The following HELZ variants were observed in gnomAD, a reference collection of about 807,000 sequenced individuals.
HELZ encodes ATP-dependent RNA helicase with zinc finger domain.
HELZ carries 23 observed loss-of-function variants against 218.2 expected under a neutral mutation model. The observed-to-expected ratio is 0.11, with a 90% CI of 0.08 to 0.15. The LOEUF is 0.15. Ranked by LOEUF, HELZ falls within the 10% of genes least tolerant of loss-of-function variation. The probability of loss-of-function intolerance (pLI) is 1.00; values close to 1 mark genes in which losing one functional copy is unlikely to be tolerated. For synonymous variants in HELZ, 814 were observed against 829.4 expected, an observed-to-expected ratio of 0.98 and a Z score of 0.32; for missense variants, 1,813 against 2,353.7, an observed-to-expected ratio of 0.77 and a Z score of 4.75.
intron 13 of HELZ, among the ~76,000 whole-genome samples, chr17:67,172,048 G>A (rs1163360006): frequency 6.6e-6 from 1 of 152,068 alleles, no homozygotes; most frequent in African/African-American, 2.4e-5. Flanking sequence ...TGCCAGGCTG[G>A]TCTCGAACTC....
chr17:67,216,797 ACTC>A (rs543091718), intron 4 of HELZ, among the ~76,000 whole-genome samples: 18 of 151,230 alleles, frequency 1.2e-4, no homozygotes, highest in Middle Eastern at 3.4e-3. Context: ...TGCTGACACT[ACTC>A]CTCATTTCCT....
intron 31 of HELZ, among the ~76,000 whole-genome samples, chr17:67,105,059 G>C (rs190396323): frequency 6.6e-6 from 1 of 152,326 alleles, no homozygotes; most frequent in Non-Finnish European, 1.5e-5. Flanking sequence ...CTTGAACCTA[G>C]AAGGCAGAGG....
intron 12 of HELZ, among the ~76,000 whole-genome samples, chr17:67,184,949 A>T (rs183458986): frequency 2.4e-3 from 370 of 152,360 alleles, no homozygotes; most frequent in Non-Finnish European, 4.0e-3. Context: ...TTTCGAAACC[A>T]TATGGAAATA....
At chr17:67,085,461 T>C (rs1332704863) in intron 32 of HELZ, among the ~76,000 whole-genome samples, 1 of 152,000 alleles carries the variant, frequency 6.6e-6, no homozygotes, top group African/African-American at 2.4e-5. Context: ...CGAGGCAAAA[T>C]ACAGCGGTTT....
chr17:67,083,143 C>T (rs959409158), intron 32 of HELZ, among the ~76,000 whole-genome samples: 3 of 151,910 alleles, frequency 2.0e-5, no homozygotes, highest in African/African-American at 7.2e-5. Context: ...AGGTGTGAGC[C>T]ACCATGTCTG....
At chr17:67,093,162 G>A (rs2036626211) in intron 31 of HELZ, among the ~76,000 whole-genome samples, 1 of 152,160 alleles carries the variant, frequency 6.6e-6, no homozygotes, top group South Asian at 2.1e-4. Flanking sequence ...TCTAACTGGT[G>A]TTCTCAGAAA....
intron 5 of HELZ, among the ~76,000 whole-genome samples, chr17:67,212,977 T>C (rs1174821910): frequency 3.9e-5 from 6 of 152,232 alleles, no homozygotes; most frequent in Non-Finnish European, 8.8e-5. Context: ...GTTAAACTTA[T>C]ATTTTAGTGA....
chr17:67,236,812 G>A lies in HELZ; in HGVS notation c.-19+2621C>T, dbSNP rs572360812. On this transcript the variant is annotated intron_variant, in intron 3 of 32. Coordinates refer to ENST00000358691, the MANE Select transcript of HELZ (RefSeq NM_014877.4). The stretch of plus-strand genomic sequence containing the variant: ...AAATAATAAAGTTCTACCCTACCAA[G>A]GAAATGAAGGGGTTCCAGGACACAA... Among the ~76,000 whole-genome samples, 10 of 152,076 alleles carry A rather than the reference G, an allele frequency of 6.6e-5. No individual in the cohort carries two copies. The East Asian group carries it at 1.9e-3, about 29-fold the overall frequency.
chr17:67,175,058 A>C (rs979370640), intron 13 of HELZ, among the ~76,000 whole-genome samples: 1 of 152,128 alleles, frequency 6.6e-6, no homozygotes, highest in Admixed American at 6.5e-5. Flanking sequence ...CCACAACAAA[A>C]CATTCTTCAT....
At chr17:67,187,664 G>A (rs1047839767) in intron 12 of HELZ, among the ~76,000 whole-genome samples, 2 of 152,186 alleles carry the variant, frequency 1.3e-5, no homozygotes, top group Admixed American at 6.5e-5. Flanking sequence ...CAAAGGAAAT[G>A]TGGGCTAACA....
intron 7 of HELZ, among the ~76,000 whole-genome samples, chr17:67,200,426 C>T (rs1191252491): frequency 6.6e-6 from 1 of 151,998 alleles, no homozygotes. Context: ...CACAGACTTC[C>T]ATCAGGTGCT....
intron 3 of HELZ, chr17:67,225,424 A>G (rs1380967298): frequency 6.2e-6 from 1 of 160,476 alleles, no homozygotes; most frequent in African/African-American, 2.4e-5. Flanking sequence ...TAAGGTTCTA[A>G]TGCTATTCCA....
rs1488738796 is a variant in HELZ at position 67,226,189 on chromosome 17, G to T, written c.-18-7367C>A. Among the ~76,000 whole-genome samples the T allele has an allele frequency of 1.3e-5, 2 of 150,860 alleles. 1 individual carries two copies. Among genetic ancestry groups the T allele is most frequent in the Admixed American group, 1.3e-4 (2 of 15,156 alleles). On this transcript the variant is annotated intron_variant, in intron 3 of 32. Transcript: ENST00000358691. ...GCAGGAGATCGCTTGAACACAGGAG[G>T]CGGAGGTTGCAGTGAGCCGAGATCG...
At chr17:67,158,531 T>C (rs2038906745) in intron 17 of HELZ, among the ~76,000 whole-genome samples, 1 of 152,194 alleles carries the variant, frequency 6.6e-6, no homozygotes, top group Non-Finnish European at 1.5e-5. Flanking sequence ...AGAGAAAAAC[T>C]ATGGCAAAAA....
At chr17:67,203,786 T>A (rs964584936) in intron 5 of HELZ, among the ~76,000 whole-genome samples, 2 of 152,210 alleles carry the variant, frequency 1.3e-5, no homozygotes, top group African/African-American at 4.8e-5. Flanking sequence ...AGTTCTCATG[T>A]TTTTTACAGT....
chr17:67,217,397 T>G (rs1224664894), intron 4 of HELZ, among the ~76,000 whole-genome samples: 2 of 152,184 alleles, frequency 1.3e-5, no homozygotes, highest in Non-Finnish European at 2.9e-5. Context: ...TCTGAGCCAC[T>G]CTGGCCTGGA....
At chr17:67,170,198 C>T (rs1233914729) in intron 13 of HELZ, among the ~76,000 whole-genome samples, 1 of 152,198 alleles carries the variant, frequency 6.6e-6, no homozygotes, top group Non-Finnish European at 1.5e-5. Flanking sequence ...AGCCCACTCC[C>T]AGGGCTCCAT....
chr17:67,189,393 CATCTA>C (rs1251009441), intron 11 of HELZ, among the ~76,000 whole-genome samples, 191 bp downstream of exon 11: 1 of 152,076 alleles, frequency 6.6e-6, no homozygotes, highest in Non-Finnish European at 1.5e-5. Flanking sequence ...ACAAAGATCT[CATCTA>C]AAAGTATTTT....
intron 12 of HELZ, among the ~76,000 whole-genome samples, chr17:67,181,830 A>G (rs2039620206): frequency 6.6e-6 from 1 of 151,944 alleles, no homozygotes; most frequent in African/African-American, 2.4e-5. Context: ...GGTATGCAAA[A>G]CCCATTTCTC....
Sources: allele counts gnomAD v4.1 joint callset (sites outside exome capture counted in the v4.1 genomes callset), GRCh38; gene constraint gnomAD v4.1.1; transcripts MANE v1.5; gene names NCBI Gene and HGNC (gene_info 2026-07-23, HGNC 2026-07-21).